The following JAK3 variants were observed in gnomAD, a reference collection of about 807,000 sequenced individuals.
The protein encoded by JAK3 is Janus kinase 3, also known as tyrosine-protein kinase JAK3.
Under a neutral mutation model 120.8 loss-of-function variants are expected in JAK3, and 88 were observed. The observed-to-expected ratio is 0.73, with a 90% CI of 0.61 to 0.87. The LOEUF is 0.87. JAK3 is among the 40% of genes least tolerant of loss of function. The pLI is 0.00. For missense variants in JAK3, 1,254 were observed against 1,501.4 expected (o/e 0.84, Z 2.72); for synonymous variants, 592 against 628.6 (o/e 0.94, Z 0.87).
intron 1 of JAK3, 23 bp downstream of exon 1, chr19:17,847,923 C>T: frequency 1.0e-6 from 1 of 1,004,482 alleles, no homozygotes; most frequent in Non-Finnish European, 1.2e-6. Context: ...TGGGCCGAGC[C>T]CTGCGGCATC....
At chr19:17,844,736 G>A (rs557656847) in intron 1 of JAK3, among the ~76,000 whole-genome samples, 4 of 150,932 alleles carry the variant, frequency 2.7e-5, no homozygotes, top group African/African-American at 9.8e-5. Context: ...GGCAGAGGTT[G>A]CAGTGAGCCA....
At chr19:17,833,308 ACT>A (rs1434821326) in intron 17 of JAK3, among the ~76,000 whole-genome samples, 1 of 151,706 alleles carries the variant, frequency 6.6e-6, no homozygotes, top group Non-Finnish European at 1.5e-5. Flanking sequence ...GGCCCTCCAC[ACT>A]CTCTCTTTTA....
Position 17,831,123 on chromosome 19 carries a change from G to T in JAK3, c.2978+105C>A. On this transcript the variant is annotated intron_variant, in intron 21 of 23. Transcript: ENST00000458235. The surrounding 1 kb of genome is among the most constrained non-coding windows in gnomAD (Gnocchi z 5.1). ...CCAAAGCTGCAGCGGAGGAAGGGCGGGGCTAAGGCTGGGGAGCAAAGCAGC... is the reference window on the plus strand; with the variant it reads ...CCAAAGCTGCAGCGGAGGAAGGGCGTGGCTAAGGCTGGGGAGCAAAGCAGC... 1 of 1,259,290 alleles carries T rather than the reference G, an allele frequency of 7.9e-7. No homozygotes were observed. The allele number at this position is 1,259,290 out of a possible 1,614,324, so 78.0% of individuals were successfully genotyped here.
At chr19:17,833,707 G>T (rs956986521) in intron 17 of JAK3, among the ~76,000 whole-genome samples, 16 of 151,868 alleles carry the variant, frequency 1.1e-4, no homozygotes, top group Non-Finnish European at 2.1e-4. Flanking sequence ...CAAAAATTTA[G>T]CCGTGTTTGG....
Position 17,826,623 on chromosome 19 carries a change from G to A in JAK3, c.*120C>T. The A allele has an allele frequency of 9.3e-7, 1 of 1,077,128 alleles. No individual in the cohort carries two copies. Among genetic ancestry groups the A allele is most frequent in the South Asian group, 1.3e-5 (1 of 79,822 alleles). 66.7% of individuals were successfully genotyped at this position (1,077,128 alleles called of 1,614,324 possible). On this transcript the variant is annotated 3_prime_UTR_variant, in exon 24 of 24. Coordinates refer to ENST00000458235, the MANE Select transcript of JAK3 (RefSeq NM_000215.4). ...GAGCCCCCCCAAATGCAATGTCATG[G>A]GGGTGTTCCTGAAGTAGAGGACCCT...
At chr19:17,845,865 T>C (rs2238645) in intron 1 of JAK3, among the ~76,000 whole-genome samples, 51,325 of 151,912 alleles carry the variant, frequency 0.34, 10,359 homozygotes, top group African/African-American at 0.57. Flanking sequence ...AGCTCTGTCA[T>C]CCAGGCTGGA....
chr19:17,830,447 G>T, intron 22 of JAK3, 56 bp downstream of exon 22: 1 of 1,372,868 alleles, frequency 7.3e-7, no homozygotes, highest in South Asian at 1.2e-5. Flanking sequence ...GTTGGAGATT[G>T]GCCACGAGGG....
chr19:17,831,535 C>T lies in JAK3; in HGVS notation c.2806-135G>A. 2 of 1,505,302 alleles carry T rather than the reference C, an allele frequency of 1.3e-6. No homozygotes were observed. The highest frequency in any genetic ancestry group is 2.4e-5 in the South Asian group (2 of 84,758). 93.2% of individuals were successfully genotyped at this position (1,505,302 alleles called of 1,614,324 possible). A position where few individuals can be genotyped will look rare whatever the true frequency, so the allele number is the denominator to read the frequency against. On this transcript the variant is annotated intron_variant, in intron 20 of 23. Coordinates refer to ENST00000458235, the MANE Select transcript of JAK3 (RefSeq NM_000215.4). This position sits in a 1 kb window ranked among gnomAD's most constrained non-coding sequence, Gnocchi z 5.1. Reference sequence around the variant, plus strand: ...AGCCATCCTCCACTGAAGTTCTGATCCTGAGCCCTAAGCCAACCCCACCAC... The same window carrying T: ...AGCCATCCTCCACTGAAGTTCTGATTCTGAGCCCTAAGCCAACCCCACCAC...
At position 17,831,687 on chromosome 19, in the gene JAK3, G is replaced by A. The variant is rs1252474237; in HGVS notation, c.2792C>T (p.Ser931Leu). ...GCCCCCTCGCACCTTGCAGATCTGC[G>A]AGGAATAGAGAAGGAGGCGGCTGGC... ...LDASRLLLYS[S>L]QICKGMEYLG... Residue 931 changes from serine (S) to leucine (L), a missense_variant, in exon 20 of 24, where the codon TCG becomes TTG. Around this residue, in one of 3 missense-constraint regions of JAK3, gnomAD observed 630 missense variants for 819.8 expected, o/e 0.77. Transcript: ENST00000458235. The surrounding 1 kb of genome is among the most constrained non-coding windows in gnomAD (Gnocchi z 5.1). 5 of 1,609,032 alleles carry A rather than the reference G, an allele frequency of 3.1e-6. No homozygotes were observed. The Admixed American group carries it at 6.7e-5, about 22-fold the overall frequency.
chr19:17,835,013 T>C lies in JAK3; in HGVS notation c.2048-10A>G, dbSNP rs755343675. The C allele has an allele frequency of 1.2e-6, 2 of 1,614,100 alleles. No individual in the cohort carries two copies. Among genetic ancestry groups the C allele is most frequent in the South Asian group, 1.1e-5 (1 of 91,082 alleles). On this transcript the variant is annotated splice_polypyrimidine_tract_variant and intron_variant, in intron 15 of 23. Coordinates refer to ENST00000458235, the MANE Select transcript of JAK3 (RefSeq NM_000215.4). Reference sequence around the variant, plus strand: ...ATCCTGTCGGTGAGCACTGAGGGAATGAAAGTGGGATCAGGGATCCACTTC... The same window carrying C: ...ATCCTGTCGGTGAGCACTGAGGGAACGAAAGTGGGATCAGGGATCCACTTC...
In JAK3 at chr19:17,840,267, T is replaced by A. The variant is rs373749238; in HGVS notation, c.1217A>T (p.Gln406Leu). 3.7e-6 allele frequency: 6 copies of A among 1,613,752 alleles called. No individual in the cohort carries two copies. In the African/African-American group the frequency reaches 8.0e-5, roughly 22 times the overall value. The change falls in exon 9 of 24, where the codon CAG becomes CTG. Residue 406 changes from glutamine to leucine, a missense_variant. By Grantham distance (113) the Gln-to-Leu change is moderately radical (BLOSUM62 -2). Transcript: ENST00000458235. ...PGSYVLRRSP[Q>L]DFDSFLLTVC... is the part of the protein sequence containing the mutation. The stretch of plus-strand genomic sequence containing the variant: ...AGTGAGGAGGAAGCTGTCAAAGTCC[T>A]GGGGGCTGCGGCGGAGAACATAGGA...
rs1232777308 is a variant in JAK3 at position 17,846,733 on chromosome 19, C to T, written c.-14+1213G>A. On this transcript the variant is annotated intron_variant, in intron 1 of 23. Coordinates refer to ENST00000458235, the MANE Select transcript of JAK3 (RefSeq NM_000215.4). ...CCAAGTGGCTGGGATTACAGGCGCGCACCACAGCGCCCAGCTAATTTTTGT... is the reference window on the plus strand; with the variant it reads ...CCAAGTGGCTGGGATTACAGGCGCGTACCACAGCGCCCAGCTAATTTTTGT... Among the ~76,000 whole-genome samples the T allele has an allele frequency of 2.0e-5, 3 of 152,062 alleles. No individual in the cohort carries two copies. The East Asian group carries it at 5.8e-4, about 29-fold the overall frequency.
chr19:17,842,670 C>T lies in JAK3; in HGVS notation c.567-60G>A, dbSNP rs918278519. ...GCGTCGGGAGGGGTCCCCGCGGGGA[C>T]ACACACAAACCCAGGCTTTAGCCCA... On this transcript the variant is annotated intron_variant, in intron 5 of 23. Transcript: ENST00000458235. This position sits in a 1 kb window ranked among gnomAD's most constrained non-coding sequence, Gnocchi z 6.4. The T allele has an allele frequency of 6.8e-7, 1 of 1,460,712 alleles. No homozygotes were observed. Among genetic ancestry groups the T allele is most frequent in the Admixed American group, 2.4e-5 (1 of 42,216 alleles). 90.5% of individuals were successfully genotyped at this position (1,460,712 alleles called of 1,614,324 possible).
intron 1 of JAK3, among the ~76,000 whole-genome samples, chr19:17,846,590 T>G (rs970803320): frequency 6.6e-6 from 1 of 152,206 alleles, no homozygotes; most frequent in Non-Finnish European, 1.5e-5. Context: ...TTGGTTTGTT[T>G]GTTTGTTTTT....
Position 17,838,387 on chromosome 19 carries a change from T to C in JAK3, c.1445A>G (p.Lys482Arg). 6.2e-7 allele frequency: 1 copy of C among 1,614,070 alleles called. No individual in the cohort carries two copies. The highest frequency in any genetic ancestry group is 8.5e-7 in the Non-Finnish European group (1 of 1,180,002). The change falls in exon 11 of 24, where the codon AAG (lysine) becomes AGG (arginine). Residue 482 changes from lysine (K) to arginine (R), a missense_variant. Lys to Arg is a conservative substitution (Grantham distance 26). This residue lies in a region of JAK3 where 486 missense variants were observed against 503.0 expected (regional missense o/e 0.97). Transcript: ENST00000458235. ...TSCCIPRPKE[K>R]SNLIVVQRGH... ...TCTCTGGACCACGATCAGGTTGGAC[T>C]TTTCTATGGGGAGAGGATGAGGGAG...
At chr19:17,829,895 A>G (rs2094210606) in intron 23 of JAK3, 4 of 629,026 alleles carry the variant, frequency 6.4e-6, no homozygotes. Flanking sequence ...ATAAGGCATT[A>G]CTATTCTCAT....
At position 17,826,642 on chromosome 19, in the gene JAK3, G is replaced by C. The variant is rs924227986; in HGVS notation, c.*101C>G. 1.7e-5 allele frequency: 22 copies of C among 1,278,506 alleles called. No homozygotes were observed. The highest frequency in any genetic ancestry group is 5.0e-5 in the Admixed American group (3 of 59,528). 79.2% of individuals were successfully genotyped at this position (1,278,506 alleles called of 1,614,324 possible). On this transcript the variant is annotated 3_prime_UTR_variant, in exon 24 of 24. Transcript: ENST00000458235. ...GTCATGGGGGTGTTCCTGAAGTAGA[G>C]GACCCTCATAAGGCCTCTGAGGCCC...
intron 13 of JAK3, 72 bp from the exon 14 acceptor site, chr19:17,836,123 C>G (rs2094223796): frequency 2.5e-6 from 4 of 1,577,626 alleles, no homozygotes; most frequent in Non-Finnish European, 3.5e-6. Flanking sequence ...CTGCCAACAC[C>G]CTGGCTCTCA....
In JAK3 at chr19:17,843,463, C is replaced by A; in HGVS notation, c.337G>T (p.Glu113Ter). Reference protein sequence around the residue: ...RFYFPNWFGLEKCHRFGLRKD... With the variant: ...RFYFPNWFGL ...CGTAGCCCGAAGCGGTGGCACTTCT[C>A]CAGCCCAAACCAATTGGGGAAGTAA... Residue 113 changes from glutamate to a stop codon, truncating the protein, a stop_gained, in exon 4 of 24, where the codon GAG (glutamate) becomes TAG (stop). Transcript: ENST00000458235. LOFTEE classifies it high-confidence loss of function. The surrounding 1 kb of genome is among the most constrained non-coding windows in gnomAD (Gnocchi z 5.4). 6.3e-7 allele frequency: 1 copy of A among 1,598,686 alleles called. No individual in the cohort carries two copies. Among genetic ancestry groups the A allele is most frequent in the East Asian group, 2.3e-5 (1 of 44,186 alleles).
Sources: allele counts gnomAD v4.1 joint callset (sites outside exome capture counted in the v4.1 genomes callset), GRCh38; gene constraint gnomAD v4.1.1; regional missense constraint gnomAD v4.1.1; non-coding constraint Gnocchi (gnomAD v3.1); transcripts MANE v1.5; gene names NCBI Gene and HGNC (gene_info 2026-07-23, HGNC 2026-07-21).